TAS2R1: variants seen among roughly 807,000 people sequenced by gnomAD.
The protein encoded by TAS2R1 is taste receptor type 2 member 1.
For synonymous variants in TAS2R1, 141 were observed against 134.2 expected, an observed-to-expected ratio of 1.05 and a Z score of -0.35; for missense variants, 370 against 353.4, an observed-to-expected ratio of 1.05 and a Z score of -0.38.
chr5:9,784,155 C>A, the TAS2R1 span, among the ~76,000 whole-genome samples: 4 of 152,276 alleles, frequency 2.6e-5, no homozygotes, highest in African/African-American at 9.6e-5. Flanking sequence ...GCTCTTAATG[C>A]TCTATAATTG....
chr5:9,797,022 G>A, the TAS2R1 span, among the ~76,000 whole-genome samples: 7 of 152,188 alleles, frequency 4.6e-5, no homozygotes, highest in Non-Finnish European at 7.3e-5. Context: ...GGAGCCACAT[G>A]TTCTGCCCTT....
intron 1 of TAS2R1, among the ~76,000 whole-genome samples, chr5:9,667,366 C>T (rs935126620): frequency 1.3e-5 from 2 of 152,184 alleles, no homozygotes; most frequent in African/African-American, 4.8e-5. Context: ...CCAAAGGGTA[C>T]AGCCTCCTGT....
chr5:9,902,959 TGTGA>T, the TAS2R1 span, among the ~76,000 whole-genome samples: 1 of 151,960 alleles, frequency 6.6e-6, no homozygotes, highest in African/African-American at 2.4e-5. Flanking sequence ...AAAAAAAATG[TGTGA>T]GTATGTAGTA....
intron 1 of TAS2R1, among the ~76,000 whole-genome samples, chr5:9,690,620 A>T (rs1032674385): frequency 6.6e-6 from 1 of 151,560 alleles, no homozygotes; most frequent in Admixed American, 6.6e-5. Context: ...AGAGGGGGGG[A>T]AAAAAGTGTG....
chr5:9,819,049 T>A, the TAS2R1 span, among the ~76,000 whole-genome samples: 1 of 152,266 alleles, frequency 6.6e-6, no homozygotes, highest in South Asian at 2.1e-4. Context: ...CTGAAACACA[T>A]CTGCACTCCT....
At chr5:9,710,051 T>C (rs779685986) in intron 1 of TAS2R1, among the ~76,000 whole-genome samples, 12 of 152,260 alleles carry the variant, frequency 7.9e-5, no homozygotes, top group Non-Finnish European at 1.3e-4. Flanking sequence ...TGTTTCAAAA[T>C]TGGGAGATGT....
the TAS2R1 span, among the ~76,000 whole-genome samples, chr5:9,825,302 C>T: frequency 2.6e-5 from 4 of 152,144 alleles, no homozygotes; most frequent in South Asian, 2.1e-4. Context: ...AGCAGAAGAG[C>T]ATGGGATGTC....
intron 1 of TAS2R1, among the ~76,000 whole-genome samples, chr5:9,711,793 G>T (rs1313686697): frequency 6.6e-6 from 1 of 151,874 alleles, no homozygotes; most frequent in Non-Finnish European, 1.5e-5. Flanking sequence ...CTCCTGAGTA[G>T]CTGGGATTAC....
At chr5:9,735,619 C>G in the TAS2R1 span, among the ~76,000 whole-genome samples, 1 of 152,116 alleles carries the variant, frequency 6.6e-6, no homozygotes, top group East Asian at 1.9e-4. Flanking sequence ...AAAGCCAGGC[C>G]ACCTTACTCC....
At chr5:9,635,593 GA>G (rs752111675) in intron 2 of TAS2R1, among the ~76,000 whole-genome samples, 4 of 150,354 alleles carry the variant, frequency 2.7e-5, no homozygotes, top group Non-Finnish European at 4.5e-5. Flanking sequence ...TTTTTGTTGT[GA>G]TTTTTTTTTT....
chr5:9,787,598 G>A, the TAS2R1 span, among the ~76,000 whole-genome samples: 1 of 152,146 alleles, frequency 6.6e-6, no homozygotes, highest in Non-Finnish European at 1.5e-5. Context: ...CTAGCCAAGT[G>A]GCAGTGACAC....
intron 2 of TAS2R1, among the ~76,000 whole-genome samples, chr5:9,647,516 C>A (rs1285873831): frequency 6.6e-6 from 1 of 152,094 alleles, no homozygotes; most frequent in Non-Finnish European, 1.5e-5. Flanking sequence ...GAGTCTGCAC[C>A]TCCTCCTCAA....
At chr5:9,841,334 T>A in the TAS2R1 span, among the ~76,000 whole-genome samples, 3 of 152,180 alleles carry the variant, frequency 2.0e-5, no homozygotes, top group Non-Finnish European at 2.9e-5. Flanking sequence ...TAGGAAAAAA[T>A]TATACATTTA....
At chr5:9,747,809 T>C in the TAS2R1 span, among the ~76,000 whole-genome samples, 1 of 143,442 alleles carries the variant, frequency 7.0e-6, no homozygotes, top group East Asian at 2.0e-4. Context: ...TAAAGATTTG[T>C]AACTTTTTTT....
chr5:9,870,502 CTTTGA>C, the TAS2R1 span, among the ~76,000 whole-genome samples: 3 of 152,134 alleles, frequency 2.0e-5, no homozygotes, highest in African/African-American at 7.2e-5. Flanking sequence ...TGTCTATATC[CTTTGA>C]TTTAATAGGT....
the TAS2R1 span, among the ~76,000 whole-genome samples, chr5:9,831,349 CA>C: frequency 6.7e-6 from 1 of 150,340 alleles, no homozygotes; most frequent in Non-Finnish European, 1.5e-5. Context: ...TGACTAGAAG[CA>C]AAAAAAATAT....
In TAS2R1 at chr5:9,627,593, C is replaced by A. The variant is rs879404113; in HGVS notation, c.*1540G>T. 6.6e-6 allele frequency among the ~76,000 whole-genome samples: 1 copy of A among 152,176 alleles called. No individual in the cohort carries two copies. The highest frequency in any genetic ancestry group is 1.5e-5 in the Non-Finnish European group (1 of 68,030). ...GTACACGTATCACAGATTCAAGGAA[C>A]AGAATATTCTCTGAACTTGAGAAAA... On this transcript the variant is annotated 3_prime_UTR_variant, in exon 1 of 1. Coordinates refer to ENST00000382492, the MANE Select transcript of TAS2R1 (RefSeq NM_019599.3).
intron 1 of TAS2R1, among the ~76,000 whole-genome samples, chr5:9,702,487 G>A (rs914546167): frequency 1.4e-4 from 22 of 152,072 alleles, no homozygotes; most frequent in South Asian, 2.1e-4. Context: ...GGTGCCGAGG[G>A]GGAAAATCTA....
chr5:9,654,796 C>T (rs1399600490), intron 2 of TAS2R1, among the ~76,000 whole-genome samples: 1 of 152,078 alleles, frequency 6.6e-6, no homozygotes, highest in Non-Finnish European at 1.5e-5. Flanking sequence ...ACTTCCATTC[C>T]TTACTGGTGA....
Sources: allele counts gnomAD v4.1 joint callset (sites outside exome capture counted in the v4.1 genomes callset), GRCh38; gene constraint gnomAD v4.1.1; transcripts MANE v1.5; gene names NCBI Gene and HGNC (gene_info 2026-07-23, HGNC 2026-07-21).